The following POLR3G variants were observed in gnomAD, a reference collection of about 807,000 sequenced individuals.
The protein encoded by POLR3G is DNA-directed RNA polymerase III subunit RPC7.
Under a neutral mutation model 30.1 loss-of-function variants are expected in POLR3G, and 28 were observed. That is an observed-to-expected ratio of 0.93 (90% CI 0.69 to 1.27). The LOEUF (loss-of-function observed/expected upper bound fraction) is 1.27. Among genes scored for constraint, POLR3G ranks in the 50% most tolerant of loss-of-function variants. The pLI, the probability that POLR3G is intolerant of heterozygous loss-of-function variation, is 0.00. For synonymous variants in POLR3G, 79 were observed against 82.5 expected (o/e 0.96, Z 0.23); for missense variants, 254 against 264.6 (o/e 0.96, Z 0.28).
intron 1 of POLR3G, among the ~76,000 whole-genome samples, chr5:90,483,890 AC>A (rs1225243077): frequency 6.6e-6 from 1 of 152,194 alleles, no homozygotes; most frequent in Non-Finnish European, 1.5e-5. Flanking sequence ...TAGTTATCTT[AC>A]CTTTAAGGCA....
chr5:90,497,356 TAAG>T lies in POLR3G; in HGVS notation c.305-297_305-295del, dbSNP rs199551242. 9.4e-3 allele frequency among the ~76,000 whole-genome samples: 1,431 copies of T among 152,224 alleles called. 25 individuals are homozygous for T. The highest frequency in any genetic ancestry group is 0.033 in the African/African-American group (1,362 of 41,562). ...TGGTCAAATAAATATAAATAATACT[TAAG>T]AAAAACTGTCATAATTCCAACACCC... On this transcript the variant is annotated intron_variant, in intron 4 of 7. Coordinates refer to ENST00000651687, the MANE Select transcript of POLR3G (RefSeq NM_006467.3).
At position 90,483,185 on chromosome 5, in the gene POLR3G, G is replaced by A. The variant is rs183085339; in HGVS notation, c.-43-2340G>A. Among the ~76,000 whole-genome samples the A allele has an allele frequency of 4.8e-3, 720 of 148,722 alleles. 5 individuals carry two copies. Among genetic ancestry groups the A allele is most frequent in the African/African-American group, 0.017 (684 of 40,518 alleles). ...AAAAATCTCTGATCTCCGAGTTTTC[G>A]GGGAAACTGATTTAAGGAATAATAA... On this transcript the variant is annotated intron_variant, in intron 1 of 7. Transcript: ENST00000651687.
At chr5:90,474,285 G>A (rs1006960845), upstream of POLR3G, 3 of 1,613,072 alleles carry the variant, frequency 1.9e-6, no homozygotes, top group African/African-American at 1.3e-5. Context: ...CCACTCGAGC[G>A]CCGACATGCT....
intron 7 of POLR3G, among the ~76,000 whole-genome samples, chr5:90,508,607 A>G (rs975242463): frequency 1.3e-5 from 2 of 149,468 alleles, no homozygotes; most frequent in Non-Finnish European, 3.0e-5. Context: ...AGCTCTTTTC[A>G]ATCTTAGTTT....
intron 5 of POLR3G, among the ~76,000 whole-genome samples, chr5:90,498,720 A>G (rs1371483551): frequency 6.6e-6 from 1 of 152,210 alleles, no homozygotes; most frequent in Non-Finnish European, 1.5e-5. Flanking sequence ...ATGGAGCTTT[A>G]TGTTGTATAG....
intron 7 of POLR3G, among the ~76,000 whole-genome samples, chr5:90,509,390 A>G (rs758380806): frequency 6.6e-6 from 1 of 152,154 alleles, no homozygotes; most frequent in Non-Finnish European, 1.5e-5. Context: ...TACACTAAGT[A>G]TATGCTTGGA....
At chr5:90,501,791 T>C (rs1413401438) in intron 5 of POLR3G, 115 bp from the exon 6 acceptor site, 4 of 1,131,274 alleles carry the variant, frequency 3.5e-6, no homozygotes, top group African/African-American at 3.2e-5. Flanking sequence ...CTCTGAAAAC[T>C]ATGTGACTGC....
intron 3 of POLR3G, among the ~76,000 whole-genome samples, chr5:90,491,365 T>G (rs1041667905): frequency 5.9e-5 from 9 of 152,230 alleles, no homozygotes; most frequent in African/African-American, 2.2e-4. Flanking sequence ...AACATGATTC[T>G]GACAGTGGTG....
rs1561261545 is a variant in POLR3G, at chr5:90,512,102, C to A, written c.635C>A (p.Ala212Glu). 6.2e-7 allele frequency: 1 copy of A among 1,609,774 alleles called. No individual in the cohort carries two copies. The highest frequency in any genetic ancestry group is 2.2e-5 in the East Asian group (1 of 44,826). Residue 212 changes from alanine to glutamate, a missense_variant, in exon 8 of 8, where the codon GCA becomes GAA. Ala to Glu is a moderately radical substitution (Grantham distance 107, BLOSUM62 -1). Transcript: ENST00000651687. Reference protein sequence around the residue: ...SYFEDGDDFGADSDDNMDEAT... With the variant: ...SYFEDGDDFGEDSDDNMDEAT... Reference sequence around the variant, plus strand: ...TTTGAAGATGGAGATGATTTTGGCGCAGACAGTGATGACAACATGGATGAG... The same window carrying A: ...TTTGAAGATGGAGATGATTTTGGCGAAGACAGTGATGACAACATGGATGAG...
At chr5:90,484,115 A>C (rs1751289303) in intron 1 of POLR3G, among the ~76,000 whole-genome samples, 1 of 152,190 alleles carries the variant, frequency 6.6e-6, no homozygotes, top group South Asian at 2.1e-4. Context: ...CCTCACCCCA[A>C]GAGATCTGGA....
intron 2 of POLR3G, among the ~76,000 whole-genome samples, chr5:90,486,679 G>A (rs1751455796): frequency 1.3e-5 from 2 of 152,266 alleles, no homozygotes; most frequent in Non-Finnish European, 2.9e-5. Context: ...GGCCAGGCAT[G>A]CTCACCCTGC....
chr5:90,494,480 A>C (rs1751886503), intron 3 of POLR3G, among the ~76,000 whole-genome samples: 1 of 152,184 alleles, frequency 6.6e-6, no homozygotes. Context: ...CAGTTTTCTA[A>C]AGTGGCCACC....
intron 3 of POLR3G, among the ~76,000 whole-genome samples, chr5:90,491,305 C>G (rs1204206018): frequency 1.3e-5 from 2 of 152,208 alleles, no homozygotes; most frequent in Non-Finnish European, 2.9e-5. Flanking sequence ...ATCGTCTAGT[C>G]TAGTGGTTCC....
intron 7 of POLR3G, among the ~76,000 whole-genome samples, chr5:90,507,745 T>C (rs1752558283): frequency 6.6e-6 from 1 of 152,200 alleles, no homozygotes; most frequent in South Asian, 2.1e-4. Context: ...ACATTTTAAG[T>C]CTAAACATTT....
At chr5:90,485,275 G>A (rs1223621154) in intron 1 of POLR3G, among the ~76,000 whole-genome samples, 3 of 152,160 alleles carry the variant, frequency 2.0e-5, no homozygotes, top group Admixed American at 1.3e-4. Context: ...AGAAGGGTGG[G>A]TGAATTGCGT....
chr5:90,481,983 G>T (rs943185021), intron 1 of POLR3G, among the ~76,000 whole-genome samples: 27 of 152,124 alleles, frequency 1.8e-4, no homozygotes, highest in African/African-American at 6.5e-4. Flanking sequence ...TGAGTAGTGG[G>T]TATATGGAGA....
chr5:90,514,260 G>GTTA lies in POLR3G; in HGVS notation c.*2124_*2126dup, dbSNP rs1752865364. The GTTA allele has an allele frequency of 6.6e-6, 1 of 152,072 alleles. No individual in the cohort carries two copies. Among genetic ancestry groups the GTTA allele is most frequent in the Admixed American group, 6.5e-5 (1 of 15,276 alleles). The allele number at this position is 152,072 out of a possible 1,614,324, so 9.4% of individuals were successfully genotyped here. ...GAAATTATTCCATAGGAAAGTGAAT[G>GTTA]TTATTTTGCAGAATTAGCCTCTTAC... On this transcript the variant is annotated 3_prime_UTR_variant, in exon 8 of 8. Coordinates refer to ENST00000651687, the MANE Select transcript of POLR3G (RefSeq NM_006467.3).
chr5:90,487,280 T>A (rs1751486811), intron 2 of POLR3G, among the ~76,000 whole-genome samples: 1 of 151,908 alleles, frequency 6.6e-6, no homozygotes, highest in Non-Finnish European at 1.5e-5. Flanking sequence ...TTATTTATTT[T>A]TTTCCAATAA....
At chr5:90,505,791 T>C (rs1184638187) in intron 6 of POLR3G, among the ~76,000 whole-genome samples, 2 of 152,228 alleles carry the variant, frequency 1.3e-5, no homozygotes, top group Non-Finnish European at 2.9e-5. Flanking sequence ...ATTATAATAA[T>C]AGTATTAAAT....
Sources: gnomAD v4.1 joint callset for allele counts (sites outside exome capture counted in the v4.1 genomes callset) on GRCh38, gnomAD v4.1.1 for gene constraint, MANE v1.5 for transcripts, NCBI Gene and HGNC (gene_info 2026-07-23, HGNC 2026-07-21) for gene names.